The following GALNTL6 variants were observed in gnomAD, a reference collection of about 807,000 sequenced individuals.
The protein encoded by GALNTL6 is polypeptide N-acetylgalactosaminyltransferase like 6, also known as polypeptide N-acetylgalactosaminyltransferase-like 6.
In GALNTL6, 46 loss-of-function variants were observed where a neutral mutation model predicts 73.7. That is an observed-to-expected ratio of 0.62 (90% confidence interval 0.49 to 0.80). The LOEUF (loss-of-function observed/expected upper bound fraction) is 0.80. GALNTL6 is among the 30% of genes least tolerant of loss of function. The pLI is 0.00. For missense variants in GALNTL6, 604 were observed against 755.0 expected (o/e 0.80, Z 2.34); for synonymous variants, 259 against 263.7 (o/e 0.98, Z 0.17).
chr4:172,620,922 G>T (rs115114107), intron 5 of GALNTL6, among the ~76,000 whole-genome samples: 2 of 152,132 alleles, frequency 1.3e-5, no homozygotes, highest in Non-Finnish European at 2.9e-5. Flanking sequence ...TTTTCATAAC[G>T]CATTCCCTCT....
At chr4:172,783,403 ATAT>A (rs1038854786) in intron 5 of GALNTL6, among the ~76,000 whole-genome samples, 20 of 147,486 alleles carry the variant, frequency 1.4e-4, no homozygotes, top group African/African-American at 4.9e-4. Context: ...TAATATTATA[ATAT>A]TATTTATAAT....
Position 172,439,536 on chromosome 4 carries a change from T to G in GALNTL6, c.553+90847T>G, listed in dbSNP as rs990533347. Among the ~76,000 whole-genome samples the G allele has an allele frequency of 2.0e-5, 3 of 151,874 alleles. No homozygotes were observed. In the Admixed American group the frequency reaches 2.0e-4, roughly 10 times the overall value. On this transcript the variant is annotated intron_variant, in intron 5 of 12. Coordinates refer to ENST00000506823, the MANE Select transcript of GALNTL6 (RefSeq NM_001034845.3). ...ATTGTCACTCTCCAAGGCTCAGTTG[T>G]TGATCATCTTCTCTTTTCATTTATA...
At position 171,947,104 on chromosome 4, in the gene GALNTL6, A is replaced by G. The variant is rs550286568; in HGVS notation, c.138+132386A>G. ...CTCATTTTTGAATACTTTCTTACAT[A>G]TAAGTACAACCTACCCCCTTTCCTC... On this transcript the variant is annotated intron_variant, in intron 2 of 12. Transcript: ENST00000506823. 3.7e-4 allele frequency among the ~76,000 whole-genome samples: 57 copies of G among 152,224 alleles called. 3 individuals carry two copies. The South Asian group carries it at 0.011, about 29-fold the overall frequency.
At chr4:172,819,406 A>G (rs1741800440) in intron 7 of GALNTL6, among the ~76,000 whole-genome samples, 2 of 152,350 alleles carry the variant, frequency 1.3e-5, no homozygotes, top group East Asian at 3.9e-4. Flanking sequence ...AAAAAAGTAC[A>G]AATAATCATA....
intron 5 of GALNTL6, among the ~76,000 whole-genome samples, chr4:172,441,758 C>T (rs988595656): frequency 3.9e-5 from 6 of 152,068 alleles, no homozygotes; most frequent in African/African-American, 1.4e-4. Flanking sequence ...ACAATACATA[C>T]ATCCAGAAAA....
At chr4:171,916,052 G>A (rs1737615658) in intron 2 of GALNTL6, among the ~76,000 whole-genome samples, 2 of 151,916 alleles carry the variant, frequency 1.3e-5, no homozygotes, top group East Asian at 1.9e-4. Flanking sequence ...ACATGAAGAG[G>A]CATTAACAAG....
At chr4:172,457,839 C>T (rs894240849) in intron 5 of GALNTL6, among the ~76,000 whole-genome samples, 22 of 152,162 alleles carry the variant, frequency 1.4e-4, no homozygotes, top group African/African-American at 4.1e-4. Flanking sequence ...AGGACTTGAA[C>T]GCAGCTCTGG....
chr4:172,749,516 T>G (rs2110774724), intron 5 of GALNTL6, among the ~76,000 whole-genome samples: 1 of 152,260 alleles, frequency 6.6e-6, no homozygotes, highest in East Asian at 1.9e-4. Flanking sequence ...GCATTCAATT[T>G]GGTTTTCACA....
At chr4:172,520,326 G>C (rs772343918) in intron 5 of GALNTL6, among the ~76,000 whole-genome samples, 1 of 151,608 alleles carries the variant, frequency 6.6e-6, no homozygotes. Flanking sequence ...ATGTACAAAG[G>C]ATAAGTTGTT....
At chr4:172,796,127 T>G (rs1360935540) in intron 5 of GALNTL6, among the ~76,000 whole-genome samples, 1 of 151,750 alleles carries the variant, frequency 6.6e-6, no homozygotes, top group Non-Finnish European at 1.5e-5. Context: ...TCCTATATTT[T>G]CCAGGTCTTC....
intron 5 of GALNTL6, among the ~76,000 whole-genome samples, chr4:172,618,623 C>G (rs141345579): frequency 1.0e-3 from 152 of 152,284 alleles, no homozygotes; most frequent in African/African-American, 3.2e-3. Context: ...AATGTTATCA[C>G]TTGCATCTAT....
Position 172,257,638 on chromosome 4 carries a change from C to T in GALNTL6, c.247+27874C>T, listed in dbSNP as rs568721197. On this transcript the variant is annotated intron_variant, in intron 3 of 12. Coordinates refer to ENST00000506823, the MANE Select transcript of GALNTL6 (RefSeq NM_001034845.3). ...TAGTAATGGCATTTCAGCAGAAATA[C>T]TTGAACTTAATAGTGCTCATTTGTG... 1.4e-3 allele frequency among the ~76,000 whole-genome samples: 219 copies of T among 151,402 alleles called. 1 individual carries two copies. Among genetic ancestry groups the T allele is most frequent in the Non-Finnish European group, 1.6e-3 (106 of 67,460 alleles).
intron 10 of GALNTL6, among the ~76,000 whole-genome samples, chr4:172,953,102 A>T (rs931068728): frequency 3.9e-5 from 6 of 152,184 alleles, no homozygotes; most frequent in Non-Finnish European, 8.8e-5. Context: ...AGCCACATTG[A>T]TTCTTTAAAT....
intron 5 of GALNTL6, among the ~76,000 whole-genome samples, chr4:172,604,977 C>T (rs1231159822): frequency 6.6e-6 from 1 of 152,156 alleles, no homozygotes; most frequent in East Asian, 1.9e-4. Context: ...AATAATTCTC[C>T]TCAGGAAACT....
chr4:172,978,273 T>C (rs1345800909), intron 10 of GALNTL6, among the ~76,000 whole-genome samples: 2 of 152,188 alleles, frequency 1.3e-5, no homozygotes, highest in African/African-American at 4.8e-5. Context: ...TTGGGTTGAC[T>C]GTATAGTCCC....
intron 5 of GALNTL6, among the ~76,000 whole-genome samples, chr4:172,695,913 A>G (rs1733661345): frequency 2.0e-5 from 3 of 152,086 alleles, no homozygotes; most frequent in Admixed American, 2.0e-4. Flanking sequence ...AAATGGCACC[A>G]CTGCACTCCA....
chr4:171,944,117 T>C (rs1361119282), intron 2 of GALNTL6, among the ~76,000 whole-genome samples: 1 of 152,020 alleles, frequency 6.6e-6, no homozygotes, highest in Admixed American at 6.6e-5. Context: ...AATAAGTATA[T>C]CTTTTCATTA....
chr4:172,642,817 C>A (rs1280144166), intron 5 of GALNTL6, among the ~76,000 whole-genome samples: 1 of 151,788 alleles, frequency 6.6e-6, no homozygotes, highest in South Asian at 2.1e-4. Flanking sequence ...TCATTATATA[C>A]ACCATAAATA....
chr4:172,254,984 C>T (rs1467940415), intron 3 of GALNTL6, among the ~76,000 whole-genome samples: 1 of 151,630 alleles, frequency 6.6e-6, no homozygotes, highest in African/African-American at 2.4e-5. Flanking sequence ...AAATGGATGG[C>T]AGAAATTCAA....
Sources: gnomAD v4.1 joint callset for allele counts (sites outside exome capture counted in the v4.1 genomes callset) on GRCh38, gnomAD v4.1.1 for gene constraint, MANE v1.5 for transcripts, NCBI Gene and HGNC (gene_info 2026-07-23, HGNC 2026-07-21) for gene names.